DSCAM: variants seen among roughly 807,000 people sequenced by gnomAD.
The protein encoded by DSCAM is cell adhesion molecule DSCAM.
DSCAM carries 47 observed loss-of-function variants against 217.7 expected under a neutral mutation model. The ratio of observed to expected loss-of-function variants is 0.22; its 90% confidence interval spans 0.17 to 0.28. The LOEUF (loss-of-function observed/expected upper bound fraction) is 0.28. DSCAM is among the 10% of genes least tolerant of loss of function. DSCAM has a pLI of 1.00. For synonymous variants in DSCAM, 1,056 were observed against 1,015.3 expected (o/e 1.04, Z -0.76); for missense variants, 2,080 against 2,618.3 (o/e 0.79, Z 4.49).
At chr21:40,154,273 C>G (rs1027555682) in intron 16 of DSCAM, among the ~76,000 whole-genome samples, 1 of 149,918 alleles carries the variant, frequency 6.7e-6, no homozygotes, top group Non-Finnish European at 1.5e-5. Context: ...CTTTCTTTTT[C>G]ACAGGGTCTC....
chr21:40,747,310 T>G (rs2091184886), intron 1 of DSCAM, among the ~76,000 whole-genome samples: 1 of 150,786 alleles, frequency 6.6e-6, no homozygotes, highest in Non-Finnish European at 1.5e-5. Context: ...CAACAAACCT[T>G]AAGCTAGACT....
chr21:40,292,753 T>A (rs189331739), intron 10 of DSCAM, among the ~76,000 whole-genome samples: 2 of 152,108 alleles, frequency 1.3e-5, no homozygotes, highest in African/African-American at 2.4e-5. Flanking sequence ...TCTTTTCCTT[T>A]TTTTTTTGAG....
At chr21:40,104,111 A>C (rs1347924220) in intron 20 of DSCAM, among the ~76,000 whole-genome samples, 2 of 152,058 alleles carry the variant, frequency 1.3e-5, no homozygotes, top group African/African-American at 2.4e-5. Context: ...AACCGATATA[A>C]TCTCCCTTTG....
chr21:40,826,196 C>T (rs2091967623), intron 1 of DSCAM, among the ~76,000 whole-genome samples: 1 of 152,216 alleles, frequency 6.6e-6, no homozygotes, highest in African/African-American at 2.4e-5. Context: ...AGGGAGACCT[C>T]TCTTAGGTGG....
intron 11 of DSCAM, among the ~76,000 whole-genome samples, chr21:40,244,871 G>A (rs1426405748): frequency 6.6e-6 from 1 of 152,196 alleles, no homozygotes; most frequent in Non-Finnish European, 1.5e-5. Context: ...TGATTTGCAT[G>A]CAGAAGTACT....
At chr21:40,482,234 G>A (rs955074411) in intron 3 of DSCAM, among the ~76,000 whole-genome samples, 1 of 152,068 alleles carries the variant, frequency 6.6e-6, no homozygotes, top group Non-Finnish European at 1.5e-5. Flanking sequence ...TTTAAAATAT[G>A]ACCACACTGA....
At chr21:40,175,849 G>A (rs539236660) in intron 15 of DSCAM, among the ~76,000 whole-genome samples, 60 of 143,376 alleles carry the variant, frequency 4.2e-4, no homozygotes, top group Non-Finnish European at 7.8e-4. Flanking sequence ...TCTGCTCATT[G>A]TGACACCCAT....
At chr21:40,110,854 A>C in intron 20 of DSCAM, among the ~76,000 whole-genome samples, 1 of 152,224 alleles carries the variant, frequency 6.6e-6, no homozygotes. Context: ...GTGAGAAGAG[A>C]AGTTTAGAGA....
chr21:40,288,987 C>T (rs1280651038), intron 10 of DSCAM, among the ~76,000 whole-genome samples: 1 of 152,158 alleles, frequency 6.6e-6, no homozygotes, highest in African/African-American at 2.4e-5. Context: ...TAGATTCCTA[C>T]TTTATTTATT....
chr21:40,789,815 A>G (rs902170287), intron 1 of DSCAM, among the ~76,000 whole-genome samples: 1 of 152,222 alleles, frequency 6.6e-6, no homozygotes, highest in East Asian at 1.9e-4. Flanking sequence ...TCGGCCTCCC[A>G]AAGTGCTGGG....
chr21:40,698,999 G>A (rs1368804502), intron 2 of DSCAM, among the ~76,000 whole-genome samples: 1 of 151,826 alleles, frequency 6.6e-6, no homozygotes, highest in African/African-American at 2.4e-5. Flanking sequence ...ACTTCGGAGA[G>A]ATTATGTTTT....
intron 8 of DSCAM, among the ~76,000 whole-genome samples, chr21:40,327,164 G>C (rs1414809739): frequency 6.6e-6 from 1 of 151,976 alleles, no homozygotes; most frequent in African/African-American, 2.4e-5. Context: ...CACTGCCAAA[G>C]AGTTTTTCCC....
chr21:40,508,758 TATATATATATATATATA>T (rs2076232070), intron 3 of DSCAM, among the ~76,000 whole-genome samples: 10 of 14,778 alleles, frequency 6.8e-4, no homozygotes, highest in Non-Finnish European at 8.8e-4. Context: ...TATATATATA[TATATATATATATATATA>T]TATATATATT....
intron 3 of DSCAM, among the ~76,000 whole-genome samples, chr21:40,514,596 G>GCAA (rs1370032838): frequency 1.3e-5 from 2 of 152,188 alleles, no homozygotes; most frequent in Non-Finnish European, 2.9e-5. Context: ...ATGTTCTGCA[G>GCAA]CAACATCTAA....
At chr21:40,440,209 T>C (rs1421329801) in intron 3 of DSCAM, among the ~76,000 whole-genome samples, 1 of 152,126 alleles carries the variant, frequency 6.6e-6, no homozygotes, top group Non-Finnish European at 1.5e-5. Flanking sequence ...TAGTGGCAGT[T>C]CTCCAGAGAG....
intron 1 of DSCAM, among the ~76,000 whole-genome samples, chr21:40,761,862 T>C (rs1308887986): frequency 6.6e-6 from 1 of 152,148 alleles, no homozygotes; most frequent in Non-Finnish European, 1.5e-5. Context: ...GAATGACTAC[T>C]GGGTAAATAA....
intron 3 of DSCAM, among the ~76,000 whole-genome samples, chr21:40,506,799 A>G (rs1284754173): frequency 2.0e-5 from 3 of 152,226 alleles, no homozygotes; most frequent in Non-Finnish European, 4.4e-5. Context: ...AAAAAGATAT[A>G]TTTTATCTTA....
chr21:40,523,872 G>A (rs1222684800), intron 3 of DSCAM, among the ~76,000 whole-genome samples: 1 of 152,070 alleles, frequency 6.6e-6, no homozygotes, highest in Non-Finnish European at 1.5e-5. Flanking sequence ...CATGGGGTCG[G>A]AGTCACCACA....
intron 20 of DSCAM, among the ~76,000 whole-genome samples, chr21:40,115,552 C>CGTAA (rs2089960199): frequency 6.6e-6 from 1 of 152,014 alleles, no homozygotes; most frequent in East Asian, 1.9e-4. Flanking sequence ...TACCCTAAAA[C>CGTAA]TTACAGTATA....
Sources: gnomAD v4.1 joint callset for allele counts (sites outside exome capture counted in the v4.1 genomes callset) on GRCh38, gnomAD v4.1.1 for gene constraint, MANE v1.5 for transcripts, NCBI Gene and HGNC (gene_info 2026-07-23, HGNC 2026-07-21) for gene names.